Variants in VPS13D observed in about 807,000 individuals in gnomAD.
The protein encoded by VPS13D is vacuolar protein sorting 13 homolog D.
A neutral mutation model predicts 461.9 loss-of-function variants in VPS13D; 187 were observed. The observed-to-expected ratio is 0.40, with a 90% CI of 0.36 to 0.46. The LOEUF is 0.46. Ranked by LOEUF, VPS13D falls within the 20% of genes least tolerant of loss-of-function variation. The probability of loss-of-function intolerance (pLI) is 0.60; values close to 1 mark genes in which losing one functional copy is unlikely to be tolerated. For synonymous variants in VPS13D, 1,951 were observed against 1,986.3 expected (o/e 0.98, Z 0.47); for missense variants, 4,711 against 5,364.9 (o/e 0.88, Z 3.81).
chr1:12,437,447 A>C (rs1645076331), intron 65 of VPS13D, among the ~76,000 whole-genome samples: 1 of 152,194 alleles, frequency 6.6e-6, no homozygotes, highest in Non-Finnish European at 1.5e-5. Context: ...ATTGATCCCC[A>C]AACCACATTT....
At chr1:12,256,903 A>G (rs1442150189) in intron 8 of VPS13D, 84 bp from the exon 9 acceptor site, 1 of 1,422,362 alleles carries the variant, frequency 7.0e-7, no homozygotes, top group African/African-American at 1.4e-5. Context: ...ACTAATGTGA[A>G]TTGTTCTTGT....
At chr1:12,384,754 G>A (rs1300044828) in intron 58 of VPS13D, among the ~76,000 whole-genome samples, 1 of 152,092 alleles carries the variant, frequency 6.6e-6, no homozygotes, top group Non-Finnish European at 1.5e-5. Context: ...CGAATAGCTG[G>A]AACTTAAGTG....
chr1:12,353,804 A>AT (rs1643863060), intron 46 of VPS13D, among the ~76,000 whole-genome samples, 170 bp from the exon 47 acceptor site: 1 of 152,040 alleles, frequency 6.6e-6, no homozygotes, highest in South Asian at 2.1e-4. Context: ...TTTAAAATCT[A>AT]TACATATTAT....
chr1:12,463,810 C>CT (rs1190817051), intron 67 of VPS13D, among the ~76,000 whole-genome samples: 1 of 152,140 alleles, frequency 6.6e-6, no homozygotes, highest in African/African-American at 2.4e-5. Flanking sequence ...AGCCACCTTA[C>CT]TTATTAGCTT....
rs1472098010 is a variant in VPS13D, at chr1:12,345,461, G to A, written c.8973G>A (p.Gly2991=). 2.5e-6 allele frequency: 4 copies of A among 1,613,684 alleles called. No homozygotes were observed. The highest frequency in any genetic ancestry group is 1.1e-5 in the South Asian group (1 of 91,066). ...QVSPVSVDKV[G]TFFRYAAPDK... is the part of the protein sequence containing the mutation. ...GCCCAGTGTCTGTGGACAAAGTCGG[G>A]ACCTTTTTTCGATATGCAGCACCAG... Residue 2991 remains glycine (G), a synonymous_variant, in exon 43 of 70, where the codon GGG becomes GGA. Transcript: ENST00000620676.
intron 65 of VPS13D, among the ~76,000 whole-genome samples, chr1:12,448,515 G>A (rs534589571): frequency 1.3e-5 from 2 of 152,094 alleles, no homozygotes; most frequent in Non-Finnish European, 2.9e-5. Context: ...TTCAACATAA[G>A]CATACCCCCC....
rs973157749 is a variant in VPS13D, at chr1:12,321,868, A to G, written c.7608A>G (p.Val2536=). The change falls in exon 33 of 70, where the codon GTA becomes GTG. Residue 2536 remains valine, a synonymous_variant. Transcript: ENST00000620676. The part of the protein sequence containing the change: ...HDTALSIVDP[V]QIQMELVGNS... ...CAGCTCTTTCAATTGTGGATCCCGT[A>G]CAAATTCAAATGGAGTTGGTGGGGA... is the stretch of plus-strand genomic sequence containing the variant. The G allele has an allele frequency of 6.2e-7, 1 of 1,613,458 alleles. No homozygotes were observed. Among genetic ancestry groups the G allele is most frequent in the South Asian group, 1.1e-5 (1 of 90,906 alleles).
chr1:12,478,445 A>G (rs1645665019), intron 67 of VPS13D: 1 of 180,992 alleles, frequency 5.5e-6, no homozygotes, highest in East Asian at 1.4e-4. Flanking sequence ...CAGTTGAACC[A>G]TATCATTAAG....
At chr1:12,482,759 CA>C (rs1445405344) in intron 67 of VPS13D, among the ~76,000 whole-genome samples, 1 of 142,598 alleles carries the variant, frequency 7.0e-6, no homozygotes, top group East Asian at 2.0e-4. Flanking sequence ...TATATGTATA[CA>C]TAGTATACAT....
At chr1:12,485,898 C>G (rs938488870) in intron 67 of VPS13D, among the ~76,000 whole-genome samples, 7 of 152,046 alleles carry the variant, frequency 4.6e-5, no homozygotes, top group Non-Finnish European at 1.0e-4. Context: ...AGAAATGTAC[C>G]CCTTGTAGAG....
chr1:12,325,411 C>T (rs1643154908), intron 35 of VPS13D, among the ~76,000 whole-genome samples: 1 of 152,230 alleles, frequency 6.6e-6, no homozygotes, highest in Non-Finnish European at 1.5e-5. Context: ...AGGTGCCCGC[C>T]ACCATGCCCA....
In VPS13D at chr1:12,327,775, C is replaced by T; in HGVS notation, c.8118C>T (p.Ile2706=). Residue 2706 remains isoleucine (I), a synonymous_variant, in exon 36 of 70, where the codon ATC becomes ATT. Coordinates refer to ENST00000620676, the MANE Select transcript of VPS13D (RefSeq NM_015378.4). The part of the protein sequence containing the change: ...VAAPLISGVE[I]KAESVCICFI... ...CGCCATTGATCTCTGGCGTGGAGAT[C>T]AAAGCTGAGAGTGTGTGCATCTGTT... 2 of 1,614,150 alleles carry T rather than the reference C, an allele frequency of 1.2e-6. No homozygotes were observed. Among genetic ancestry groups the T allele is most frequent in the Non-Finnish European group, 1.7e-6 (2 of 1,180,034 alleles).
At chr1:12,293,178 T>C (rs1364621411) in intron 23 of VPS13D, among the ~76,000 whole-genome samples, 1 of 152,218 alleles carries the variant, frequency 6.6e-6, no homozygotes, top group Non-Finnish European at 1.5e-5. Context: ...CATGGACTTA[T>C]TTTTATTGTT....
intron 65 of VPS13D, among the ~76,000 whole-genome samples, chr1:12,451,035 G>T (rs1645256328): frequency 6.6e-6 from 1 of 152,242 alleles, no homozygotes; most frequent in Non-Finnish European, 1.5e-5. Flanking sequence ...CCCAGCTCCT[G>T]TTACACTGGC....
Position 12,455,657 on chromosome 1 carries a change from G to A in VPS13D, c.12334-341G>A, listed in dbSNP as rs548173657. Among the ~76,000 whole-genome samples the A allele has an allele frequency of 4.4e-3, 671 of 151,966 alleles. 3 individuals carry two copies. The highest frequency in any genetic ancestry group is 0.015 in the African/African-American group (630 of 41,412). The stretch of plus-strand genomic sequence containing the variant: ...TTATTGGCCAGGCACAGTGGCTCAC[G>A]CCTGTAATCCCAGCACTTTGGGAGG... On this transcript the variant is annotated intron_variant, in intron 65 of 69. Coordinates refer to ENST00000620676, the MANE Select transcript of VPS13D (RefSeq NM_015378.4).
intron 65 of VPS13D, among the ~76,000 whole-genome samples, chr1:12,427,242 T>TTA (rs1644934905): frequency 0.01 from 1,316 of 128,772 alleles, 20 homozygotes; most frequent in African/African-American, 0.034. Context: ...TTGTCATTAT[T>TTA]TTATTATTAT....
chr1:12,270,956 GAA>G, intron 16 of VPS13D, 36 bp from the exon 17 acceptor site: 1 of 1,605,746 alleles, frequency 6.2e-7, no homozygotes, highest in Non-Finnish European at 8.5e-7. Flanking sequence ...CCAGCCGTGT[GAA>G]AATTCTGACT....
At chr1:12,436,128 C>A (rs1254784550) in intron 65 of VPS13D, among the ~76,000 whole-genome samples, 2 of 152,238 alleles carry the variant, frequency 1.3e-5, no homozygotes, top group African/African-American at 2.4e-5. Context: ...AAACAAAGCC[C>A]TCTCCCCTTG....
At chr1:12,489,943 C>T (rs1441893111) in intron 67 of VPS13D, among the ~76,000 whole-genome samples, 7 of 152,170 alleles carry the variant, frequency 4.6e-5, no homozygotes, top group Non-Finnish European at 1.0e-4. Flanking sequence ...GCTCCAGAGC[C>T]GATCCTCTCA....
Sources: gnomAD v4.1 joint callset for allele counts (sites outside exome capture counted in the v4.1 genomes callset) on GRCh38, gnomAD v4.1.1 for gene constraint, MANE v1.5 for transcripts, NCBI Gene and HGNC (gene_info 2026-07-23, HGNC 2026-07-21) for gene names.